Variants in TDRD12 observed in about 807,000 individuals in gnomAD.
TDRD12 encodes the protein tudor domain containing 12, also known as putative ATP-dependent RNA helicase TDRD12.
A neutral mutation model predicts 133.5 loss-of-function variants in TDRD12; 158 were observed. The observed-to-expected ratio is 1.18, with a 90% CI of 1.04 to 1.35. The LOEUF (loss-of-function observed/expected upper bound fraction) is 1.35, where lower values mean the gene tolerates loss of function less well. TDRD12 is among the 40% of genes most tolerant of loss of function. TDRD12 has a pLI of 0.00. For missense variants in TDRD12, 1,443 were observed against 1,321.3 expected (o/e 1.09, Z -1.43); for synonymous variants, 460 against 477.9 (o/e 0.96, Z 0.49).
chr19:32,793,413 C>G (rs1158249580), intron 13 of TDRD12, among the ~76,000 whole-genome samples: 1 of 152,026 alleles, frequency 6.6e-6, no homozygotes, highest in Non-Finnish European at 1.5e-5. Flanking sequence ...GGTTTGCAGA[C>G]AAAAGGTGAT....
At chr19:32,782,927 G>A (rs1970810234) in intron 11 of TDRD12, among the ~76,000 whole-genome samples, 1 of 152,230 alleles carries the variant, frequency 6.6e-6, no homozygotes, top group Non-Finnish European at 1.5e-5. Context: ...TGTTCATTAT[G>A]ATGATAGTTT....
chr19:32,812,279 C>T (rs1599620120), intron 24 of TDRD12, among the ~76,000 whole-genome samples: 1 of 152,178 alleles, frequency 6.6e-6, no homozygotes, highest in East Asian at 1.9e-4. Flanking sequence ...CCAGCCCTTG[C>T]GGCCAGGGAG....
intron 11 of TDRD12, among the ~76,000 whole-genome samples, chr19:32,781,639 G>A (rs1396980026): frequency 3.3e-5 from 5 of 151,982 alleles, no homozygotes; most frequent in African/African-American, 4.8e-5. Flanking sequence ...GTGTAGAGAC[G>A]TCCACTCTAT....
rs7256763 is a variant in TDRD12 at position 32,745,669 on chromosome 19, G to C, written c.440+2769G>C. 3.0e-3 allele frequency among the ~76,000 whole-genome samples: 422 copies of C among 140,958 alleles called. 2 individuals carry two copies. The highest frequency in any genetic ancestry group is 0.012 in the African/African-American group (410 of 35,344). 92.5% of individuals were successfully genotyped at this position (140,958 alleles called of 152,430 possible). ...TGGCTGATGTGGTTATTCTGTGTGTGTGAGAGAGAGGGAGAGACTGGCTGA... is the reference window on the plus strand; with the variant it reads ...TGGCTGATGTGGTTATTCTGTGTGTCTGAGAGAGAGGGAGAGACTGGCTGA... On this transcript the variant is annotated intron_variant, in intron 4 of 27. Transcript: ENST00000444215.
intron 10 of TDRD12, among the ~76,000 whole-genome samples, chr19:32,776,001 C>T (rs1280283615): frequency 6.6e-6 from 1 of 152,176 alleles, no homozygotes; most frequent in Admixed American, 6.5e-5. Context: ...GCCTTGCGAA[C>T]TGTGGGTGGC....
chr19:32,756,478 C>T (rs1599864133), intron 7 of TDRD12, among the ~76,000 whole-genome samples: 1 of 151,330 alleles, frequency 6.6e-6, no homozygotes. Flanking sequence ...AGCTCCTCCC[C>T]CCAGGTTCAC....
downstream of TDRD12, among the ~76,000 whole-genome samples, chr19:32,823,454 A>G (rs16967477): frequency 0.015 from 2,302 of 152,110 alleles, 74 homozygotes; most frequent in African/African-American, 0.053. Flanking sequence ...GCATTTCATT[A>G]TTGCCGTGGT....
At chr19:32,823,512 C>T (rs552727425), downstream of TDRD12, among the ~76,000 whole-genome samples, 10 of 152,240 alleles carry the variant, frequency 6.6e-5, no homozygotes, top group East Asian at 1.3e-3. Flanking sequence ...TCTTGCTGGC[C>T]GTGACTGTGG....
rs532446274 is a variant in TDRD12, at chr19:32,719,840, G to A, written c.-233G>A. ...GGCAGGCAGGGATCCCGCAGCGAGG[G>A]GCTGGTTACTGCCAGGACGGAGCGC... is the stretch of plus-strand genomic sequence containing the variant. On this transcript the variant is annotated 5_prime_UTR_variant, in exon 1 of 28. Coordinates refer to ENST00000444215, the Ensembl canonical transcript of TDRD12. 55 of 586,690 alleles carry A rather than the reference G, an allele frequency of 9.4e-5. No individual in the cohort carries two copies. In the African/African-American group the frequency reaches 9.4e-4, roughly 10 times the overall value. 36.3% of individuals were successfully genotyped at this position (586,690 alleles called of 1,614,324 possible).
rs1454614643 is a variant in TDRD12, at chr19:32,746,223, A to AGGGG, written c.441-2252_441-2251insGGGG. On this transcript the variant is annotated intron_variant, in intron 4 of 27. Transcript: ENST00000444215. ...TGTGGTTATTCTGTGTGTGAGAGAG[A>AGGGG]GAGAGAGTCTGGCTGATGTGGTTAT... Among the ~76,000 whole-genome samples, 18 of 147,802 alleles carry AGGGG rather than the reference A, an allele frequency of 1.2e-4. 1 individual carries two copies. Among genetic ancestry groups the AGGGG allele is most frequent in the African/African-American group, 3.5e-4 (14 of 39,692 alleles).
chr19:32,814,718 C>T (rs1461493019), intron 25 of TDRD12, among the ~76,000 whole-genome samples: 1 of 152,186 alleles, frequency 6.6e-6, no homozygotes, highest in Non-Finnish European at 1.5e-5. Context: ...GTGACCACGG[C>T]GGCCAGAGGG....
At chr19:32,722,231 G>T (rs1968706775) in intron 1 of TDRD12, among the ~76,000 whole-genome samples, 1 of 152,142 alleles carries the variant, frequency 6.6e-6, no homozygotes, top group Non-Finnish European at 1.5e-5. Context: ...CTTTAGAAGA[G>T]ACAGGGCTCT....
chr19:32,730,104 C>T (rs1969001655), intron 1 of TDRD12, among the ~76,000 whole-genome samples: 1 of 152,064 alleles, frequency 6.6e-6, no homozygotes, highest in Non-Finnish European at 1.5e-5. Flanking sequence ...CTGCGTATTT[C>T]TTTCAGCCTT....
intron 26 of TDRD12, 77 bp downstream of exon 26, chr19:32,815,697 A>C: frequency 1.4e-6 from 2 of 1,393,906 alleles, no homozygotes; most frequent in Non-Finnish European, 1.9e-6. Context: ...GACATGTTTT[A>C]TGAAAGTAGA....
At chr19:32,773,513 C>G in exon 10 of TDRD12, 2 of 1,551,660 alleles carry the variant, frequency 1.3e-6, no homozygotes, top group Non-Finnish European at 1.7e-6. Flanking sequence ...ATATGCTGAT[C>G]CAGATGTACC....
At chr19:32,792,514 TA>T (rs1971100806) in intron 13 of TDRD12, among the ~76,000 whole-genome samples, 1 of 151,900 alleles carries the variant, frequency 6.6e-6, no homozygotes, top group Non-Finnish European at 1.5e-5. Flanking sequence ...GTTTGAGACA[TA>T]AAAGAGAAGC....
chr19:32,787,122 C>G (rs1177398637), intron 11 of TDRD12, among the ~76,000 whole-genome samples: 3 of 149,058 alleles, frequency 2.0e-5, no homozygotes, highest in African/African-American at 7.4e-5. Flanking sequence ...TGTAGATGTC[C>G]TTTTTGTTGA....
chr19:32,744,521 A>C (rs1352050313), intron 4 of TDRD12, among the ~76,000 whole-genome samples: 2 of 150,780 alleles, frequency 1.3e-5, no homozygotes, highest in African/African-American at 2.4e-5. Flanking sequence ...AAAAAAAAAA[A>C]AAACAAAAGA....
At chr19:32,807,073 A>T (rs1971571757) in intron 21 of TDRD12, among the ~76,000 whole-genome samples, 1 of 152,160 alleles carries the variant, frequency 6.6e-6, no homozygotes, top group South Asian at 2.1e-4. Flanking sequence ...GTTGTGTATT[A>T]TGGCAATGTA....
Sources: allele counts gnomAD v4.1 joint callset (sites outside exome capture counted in the v4.1 genomes callset), GRCh38; gene constraint gnomAD v4.1.1; transcripts MANE v1.5; gene names NCBI Gene and HGNC (gene_info 2026-07-23, HGNC 2026-07-21).